The following MCCC2 variants were observed in gnomAD, a reference collection of about 807,000 sequenced individuals.
The protein encoded by MCCC2 is methylcrotonyl-CoA carboxylase subunit 2, also known as methylcrotonoyl-CoA carboxylase beta chain, mitochondrial.
A neutral mutation model predicts 77.2 loss-of-function variants in MCCC2; 52 were observed. The ratio of observed to expected loss-of-function variants is 0.67; its 90% confidence interval spans 0.54 to 0.85. The LOEUF is 0.85. MCCC2 is among the 40% of genes least tolerant of loss of function. The pLI is 0.00. For missense variants in MCCC2, 682 were observed against 703.2 expected (o/e 0.97, Z 0.34); for synonymous variants, 253 against 248.4 (o/e 1.02, Z -0.18).
chr5:71,644,021 G>T (rs1029210679), intron 12 of MCCC2, 126 bp downstream of exon 12: 49 of 1,093,816 alleles, frequency 4.5e-5, no homozygotes, highest in African/African-American at 6.3e-5. Flanking sequence ...CCAGAACACT[G>T]TGTGCGCGGG....
intron 6 of MCCC2, among the ~76,000 whole-genome samples, chr5:71,612,494 C>T (rs62361820): frequency 3.3e-5 from 5 of 152,080 alleles, no homozygotes; most frequent in Non-Finnish European, 5.9e-5. Context: ...ATATGAAATT[C>T]GTATTGTGGT....
At position 71,652,666 on chromosome 5, in the gene MCCC2, T is replaced by G; in HGVS notation, c.1489-3T>G. ...GACTTACTCATGGCCTCTTTTCCTT[T>G]AGTTCTCCAGTGCTGATGAAGCGGC... On this transcript the variant is annotated splice_region_variant and splice_polypyrimidine_tract_variant and intron_variant, in intron 15 of 16. Transcript: ENST00000340941. The G allele has an allele frequency of 6.2e-7, 1 of 1,614,048 alleles. No individual in the cohort carries two copies. The highest frequency in any genetic ancestry group is 8.5e-7 in the Non-Finnish European group (1 of 1,179,908).
In MCCC2 at chr5:71,650,286, G is replaced by C. The variant is rs169406; in HGVS notation, c.1488+103G>C. 0.34 allele frequency: 305,366 copies of C among 885,916 alleles called. 56,774 individuals are homozygous for C. Among genetic ancestry groups the C allele is most frequent in the Admixed American group, 0.56 (29,098 of 51,776 alleles). The allele number at this position is 885,916 out of a possible 1,614,324, so 54.9% of individuals were successfully genotyped here. ...TGGAAGCCCTTGGTGTTCATGGCTG[G>C]GGACCTGGCGCACACTGCCTGGCCA... On this transcript the variant is annotated intron_variant, in intron 15 of 16. Transcript: ENST00000340941.
chr5:71,610,325 G>C, intron 6 of MCCC2, among the ~76,000 whole-genome samples: 1 of 152,210 alleles, frequency 6.6e-6, no homozygotes, highest in South Asian at 2.1e-4. Context: ...GGAGTGACCC[G>C]ATTTTCCAGG....
intron 6 of MCCC2, among the ~76,000 whole-genome samples, chr5:71,611,913 T>C (rs1402848620): frequency 2.6e-5 from 4 of 151,810 alleles, no homozygotes; most frequent in African/African-American, 4.8e-5. Flanking sequence ...CTCAGCCTCC[T>C]GAGTAGCTGG....
intron 8 of MCCC2, among the ~76,000 whole-genome samples, chr5:71,634,039 A>G (rs1440228910): frequency 1.3e-5 from 2 of 152,214 alleles, no homozygotes; most frequent in Admixed American, 1.3e-4. Flanking sequence ...TAGCTCTAAG[A>G]TATGTCTCCC....
intron 6 of MCCC2, among the ~76,000 whole-genome samples, chr5:71,615,673 T>A (rs1353165711): frequency 6.6e-6 from 1 of 152,176 alleles, no homozygotes; most frequent in Non-Finnish European, 1.5e-5. Flanking sequence ...CATAAGTTTC[T>A]GAGCAGTAGG....
At chr5:71,612,944 C>T (rs1359332069) in intron 6 of MCCC2, among the ~76,000 whole-genome samples, 1 of 152,230 alleles carries the variant, frequency 6.6e-6, no homozygotes, top group Admixed American at 6.5e-5. Context: ...AGCAGCGGGG[C>T]TGTGCTTCCA....
At chr5:71,614,484 CT>C (rs34050987) in intron 6 of MCCC2, among the ~76,000 whole-genome samples, 1,556 of 139,120 alleles carry the variant, frequency 0.011, 22 homozygotes, top group African/African-American at 0.037. Flanking sequence ...CTCTCTCTCT[CT>C]TTTTTTTTTT....
Position 71,634,482 on chromosome 5 carries a change from A to C in MCCC2, c.804-461A>C, listed in dbSNP as rs566928754. On this transcript the variant is annotated intron_variant, in intron 8 of 16. Transcript: ENST00000340941. ...ATGAGAGGCCAGAATTGGCATCTCCATTAGGAGCTCAGTTACGTACACAGT... is the reference window on the plus strand; with the variant it reads ...ATGAGAGGCCAGAATTGGCATCTCCCTTAGGAGCTCAGTTACGTACACAGT... Among the ~76,000 whole-genome samples, 144 of 152,346 alleles carry C rather than the reference A, an allele frequency of 9.5e-4. 2 individuals are homozygous for C. Among genetic ancestry groups the C allele is most frequent in the African/African-American group, 2.9e-3 (119 of 41,590 alleles).
At chr5:71,604,328 G>C (rs1745578302) in intron 5 of MCCC2, 28 bp from the exon 6 acceptor site, 1 of 1,573,454 alleles carries the variant, frequency 6.4e-7, no homozygotes, top group African/African-American at 1.4e-5. Context: ...TCATAGAGAT[G>C]CTTATGTTTC....
chr5:71,644,032 C>CGTGTGTGTGT (rs746221732), intron 12 of MCCC2, 137 bp downstream of exon 12: 25 of 538,810 alleles, frequency 4.6e-5, no homozygotes, highest in East Asian at 1.1e-4. Flanking sequence ...TGTGCGCGGG[C>CGTGTGTGTGT]ATGTGTGTGT....
chr5:71,609,319 C>T (rs1745821082), intron 6 of MCCC2, among the ~76,000 whole-genome samples: 1 of 151,920 alleles, frequency 6.6e-6, no homozygotes. Flanking sequence ...TCATTCATTT[C>T]ATCTTCCATT....
In MCCC2 at chr5:71,641,147, AC is replaced by A. The variant is rs1429850104; in HGVS notation, c.1072+73del. 3 of 1,306,098 alleles carry A rather than the reference AC, an allele frequency of 2.3e-6. No individual in the cohort carries two copies. The East Asian group carries it at 7.0e-5, about 31-fold the overall frequency. 80.9% of individuals were successfully genotyped at this position (1,306,098 alleles called of 1,614,324 possible). A position where few individuals can be genotyped will look rare whatever the true frequency, so the allele number is the denominator to read the frequency against. ...AAAATCAGGAATCTCTTGTTTCAAG[AC>A]TTTGATACACTTGACATGGGCTTTG... On this transcript the variant is annotated intron_variant, in intron 11 of 16. Coordinates refer to ENST00000340941, the MANE Select transcript of MCCC2 (RefSeq NM_022132.5).
chr5:71,649,247 C>T lies in MCCC2; in HGVS notation c.1367C>T (p.Ala456Val), dbSNP rs727504011. The change falls in exon 14 of 17, where the codon GCA becomes GTA. Residue 456 changes from alanine to valine, a missense_variant. Coordinates refer to ENST00000340941, the MANE Select transcript of MCCC2 (RefSeq NM_022132.5). The stretch of plus-strand genomic sequence containing the variant: ...GGAAACTATGGGATGTGTGGCAGAG[C>T]ATATAGGTAGGTGTCATGATTTTCT... Reference protein sequence around the residue: ...GAGNYGMCGRAYSPRFLYIWP... With the variant: ...GAGNYGMCGRVYSPRFLYIWP... The T allele has an allele frequency of 4.3e-6, 7 of 1,613,528 alleles. No individual in the cohort carries two copies. The highest frequency in any genetic ancestry group is 2.2e-5 in the East Asian group (1 of 44,890).
At chr5:71,602,354 G>A (rs756008035) in intron 4 of MCCC2, 152 bp from the exon 5 acceptor site, 41 of 861,068 alleles carry the variant, frequency 4.8e-5, no homozygotes, top group Admixed American at 1.6e-4. Flanking sequence ...ATTAAAGTTT[G>A]CATTTATATC....
In MCCC2 at chr5:71,633,128, TATA is replaced by T. The variant is rs1561841460; in HGVS notation, c.803+944_803+946del. 2.7e-3 allele frequency among the ~76,000 whole-genome samples: 212 copies of T among 79,584 alleles called. 7 individuals carry two copies. The highest frequency in any genetic ancestry group is 3.8e-3 in the Non-Finnish European group (151 of 40,234). 52.2% of individuals were successfully genotyped at this position (79,584 alleles called of 152,430 possible). On this transcript the variant is annotated intron_variant, in intron 8 of 16. Transcript: ENST00000340941. Reference sequence around the variant, plus strand: ...ATATATATATATATATATATATATATATATTTTTATTTTTTGTAGAAACAGGTG... The same window carrying T: ...ATATATATATATATATATATATATATTTTTTATTTTTTGTAGAAACAGGTG...
chr5:71,620,566 G>A (rs1746318031), intron 6 of MCCC2, among the ~76,000 whole-genome samples: 1 of 152,140 alleles, frequency 6.6e-6, no homozygotes, highest in Non-Finnish European at 1.5e-5. Flanking sequence ...TTAGCTCTCT[G>A]TCAGAGACCC....
chr5:71,642,048 T>C (rs1747134702), intron 11 of MCCC2, among the ~76,000 whole-genome samples: 1 of 152,252 alleles, frequency 6.6e-6, no homozygotes, highest in Non-Finnish European at 1.5e-5. Context: ...TTCTGCTTTC[T>C]GTAAAGATGG....
Sources: allele counts gnomAD v4.1 joint callset (sites outside exome capture counted in the v4.1 genomes callset), GRCh38; gene constraint gnomAD v4.1.1; transcripts MANE v1.5; gene names NCBI Gene and HGNC (gene_info 2026-07-23, HGNC 2026-07-21).